The following AHCY variants were observed in gnomAD, a reference collection of about 807,000 sequenced individuals.
AHCY encodes S-adenosyl-L-homocysteine hydrolase.
Under a neutral mutation model 45.4 loss-of-function variants are expected in AHCY, and 24 were observed. The observed-to-expected ratio is 0.53, with a 90% confidence interval of 0.38 to 0.74. The LOEUF (loss-of-function observed/expected upper bound fraction) is 0.74. AHCY is among the 30% of genes least tolerant of loss of function. AHCY has a pLI of 0.00. For missense variants in AHCY, 449 were observed against 594.1 expected (o/e 0.76, Z 2.54); for synonymous variants, 245 against 235.1 (o/e 1.04, Z -0.39).
the AHCY span, among the ~76,000 whole-genome samples, chr20:34,264,506 A>G: frequency 6.6e-6 from 1 of 152,210 alleles, no homozygotes. Context: ...ACTAGGTGCT[A>G]CTAGTGATTC....
chr20:34,237,868 G>T, the AHCY span, among the ~76,000 whole-genome samples: 1 of 152,046 alleles, frequency 6.6e-6, no homozygotes, highest in Non-Finnish European at 1.5e-5. Context: ...ATGAAATTAT[G>T]TTAGAGTTTG....
chr20:34,291,628 T>A, intron 4 of AHCY, 97 bp from the exon 5 acceptor site: 1 of 1,135,292 alleles, frequency 8.8e-7, no homozygotes, highest in South Asian at 1.3e-5. Flanking sequence ...TCTTTCTGGG[T>A]TCCCATCTCT....
chr20:34,262,820 C>T, the AHCY span: 1 of 1,613,800 alleles, frequency 6.2e-7, no homozygotes, highest in Non-Finnish European at 8.5e-7. Context: ...CTCCTTTTGT[C>T]TCTCTTTGAA....
chr20:34,235,208 G>A, the AHCY span, among the ~76,000 whole-genome samples: 1 of 152,198 alleles, frequency 6.6e-6, no homozygotes, highest in Non-Finnish European at 1.5e-5. Flanking sequence ...TTGAGAGGCC[G>A]AGGTGGGCAG....
At chr20:34,256,348 C>A in the AHCY span, among the ~76,000 whole-genome samples, 12 of 152,154 alleles carry the variant, frequency 7.9e-5, no homozygotes, top group African/African-American at 2.9e-4. Context: ...CCCCCGGACC[C>A]AGCTGTATTT....
chr20:34,235,864 G>A, the AHCY span, among the ~76,000 whole-genome samples: 2 of 37,214 alleles, frequency 5.4e-5, no homozygotes, highest in Non-Finnish European at 8.1e-5. Context: ...AAGGAAGGAA[G>A]GAAAGGAAGG....
chr20:34,286,623 C>T lies in AHCY; in HGVS notation c.973-989G>A, dbSNP rs147777735. Among the ~76,000 whole-genome samples the T allele has an allele frequency of 9.3e-4, 142 of 152,016 alleles. No homozygotes were observed. In the South Asian group the frequency reaches 0.012, roughly 13 times the overall value. ...CAAGGCGGGGGGAATCACCTGAGGT[C>T]GGGAGTTCGGGACCAGCCTGAACAA... is the stretch of plus-strand genomic sequence containing the variant. On this transcript the variant is annotated intron_variant, in intron 8 of 9. Transcript: ENST00000217426.
chr20:34,309,739 C>G (rs1217157257), intron 1 of AHCY, among the ~76,000 whole-genome samples: 1 of 152,086 alleles, frequency 6.6e-6, no homozygotes, highest in African/African-American at 2.4e-5. Flanking sequence ...CGAGATCGTG[C>G]CATTGCACTC....
At chr20:34,263,083 C>T in the AHCY span, among the ~76,000 whole-genome samples, 3 of 152,190 alleles carry the variant, frequency 2.0e-5, no homozygotes, top group African/African-American at 7.2e-5. Context: ...GCCCAGGGAG[C>T]TGAAGTCCAC....
At chr20:34,249,264 T>C in the AHCY span, among the ~76,000 whole-genome samples, 1 of 152,148 alleles carries the variant, frequency 6.6e-6, no homozygotes, top group African/African-American at 2.4e-5. Flanking sequence ...GGTTTTTACA[T>C]GCTGGTTCAT....
intron 1 of AHCY, among the ~76,000 whole-genome samples, chr20:34,300,011 C>A (rs1260141782): frequency 1.3e-5 from 2 of 152,144 alleles, no homozygotes; most frequent in African/African-American, 2.4e-5. Flanking sequence ...ATGGTGAAAT[C>A]CCATCTCTAC....
chr20:34,258,434 G>A, the AHCY span, among the ~76,000 whole-genome samples: 1 of 149,918 alleles, frequency 6.7e-6, no homozygotes, highest in Admixed American at 6.7e-5. Context: ...TGTGAGAAGG[G>A]CAAATAAGTA....
the AHCY span, chr20:34,269,172 C>A: frequency 4.0e-6 from 6 of 1,505,244 alleles, no homozygotes; most frequent in Non-Finnish European, 5.3e-6. Flanking sequence ...TGCTGAGCGC[C>A]CCCACTCCCG....
chr20:34,287,263 C>A (rs1039122318), intron 8 of AHCY, among the ~76,000 whole-genome samples: 4 of 152,132 alleles, frequency 2.6e-5, no homozygotes, highest in African/African-American at 9.7e-5. Flanking sequence ...CCTCCTGGTA[C>A]AACAGTGGGG....
At chr20:34,284,881 G>C (rs1035750563) in intron 9 of AHCY, among the ~76,000 whole-genome samples, 2 of 152,136 alleles carry the variant, frequency 1.3e-5, no homozygotes, top group Non-Finnish European at 2.9e-5. Flanking sequence ...AAATCATTTT[G>C]TATAGAGATC....
At chr20:34,250,040 G>C in the AHCY span, 1 of 152,272 alleles carries the variant, frequency 6.6e-6, no homozygotes, top group Non-Finnish European at 1.5e-5. Flanking sequence ...CCTCCATGCT[G>C]GGGTCCAGCT....
chr20:34,296,262 A>G (rs965992525), intron 1 of AHCY, among the ~76,000 whole-genome samples: 4 of 152,206 alleles, frequency 2.6e-5, no homozygotes, highest in African/African-American at 9.6e-5. Context: ...GCCCACTTGC[A>G]GGAAGCTGGT....
chr20:34,288,704 T>C (rs188037650), intron 8 of AHCY, among the ~76,000 whole-genome samples: 23 of 152,050 alleles, frequency 1.5e-4, no homozygotes, highest in African/African-American at 5.5e-4. Context: ...CATCTCTACA[T>C]ACATATTTAA....
chr20:34,275,629 A>T (rs1358871807), downstream of AHCY, among the ~76,000 whole-genome samples: 2 of 151,964 alleles, frequency 1.3e-5, no homozygotes, highest in Non-Finnish European at 2.9e-5. Context: ...CAGCTACTCA[A>T]ATATTCTCTG....
Sources: gnomAD v4.1 joint callset for allele counts (sites outside exome capture counted in the v4.1 genomes callset) on GRCh38, gnomAD v4.1.1 for gene constraint, MANE v1.5 for transcripts, NCBI Gene and HGNC (gene_info 2026-07-23, HGNC 2026-07-21) for gene names.